Variants in PCSK5 observed in about 807,000 individuals in gnomAD.
PCSK5 encodes prohormone convertase 5.
Under a neutral mutation model 233.2 loss-of-function variants are expected in PCSK5, and 129 were observed. The ratio of observed to expected loss-of-function variants is 0.55; its 90% CI spans 0.48 to 0.64. The LOEUF (loss-of-function observed/expected upper bound fraction) is 0.64. Ranked by LOEUF, PCSK5 falls within the 30% of genes least tolerant of loss-of-function variation. The pLI is 0.00. For missense variants in PCSK5, 2,076 were observed against 2,430.1 expected, an observed-to-expected ratio of 0.85 and a Z score of 3.06; for synonymous variants, 825 against 879.2, an observed-to-expected ratio of 0.94 and a Z score of 1.09.
intron 24 of PCSK5, among the ~76,000 whole-genome samples, chr9:76,256,884 T>C (rs1827000640): frequency 6.6e-6 from 1 of 152,192 alleles, no homozygotes; most frequent in African/African-American, 2.4e-5. Context: ...CTTAATTCTA[T>C]CCTGTTTTAT....
intron 10 of PCSK5, among the ~76,000 whole-genome samples, chr9:76,146,122 A>G (rs182407746): frequency 1.5e-4 from 23 of 152,180 alleles, no homozygotes; most frequent in Admixed American, 1.4e-3. Flanking sequence ...TTAAACTTCT[A>G]TCACATGTCC....
chr9:76,320,254 G>C (rs1564177571), intron 30 of PCSK5, among the ~76,000 whole-genome samples: 1 of 151,570 alleles, frequency 6.6e-6, no homozygotes, highest in Non-Finnish European at 1.5e-5. Flanking sequence ...GTGAAACCCC[G>C]TATCTACTAA....
chr9:76,125,850 AATC>A (rs1240515368), intron 9 of PCSK5, among the ~76,000 whole-genome samples: 1 of 152,226 alleles, frequency 6.6e-6, no homozygotes, highest in African/African-American at 2.4e-5. Flanking sequence ...CTGCAGCTCC[AATC>A]ATCATATCCA....
At chr9:75,943,762 T>C (rs1355739774) in intron 2 of PCSK5, among the ~76,000 whole-genome samples, 1 of 152,182 alleles carries the variant, frequency 6.6e-6, no homozygotes, top group African/African-American at 2.4e-5. Flanking sequence ...GAACTGCGCA[T>C]GTAAGAAAAG....
intron 5 of PCSK5, among the ~76,000 whole-genome samples, chr9:76,046,182 T>G (rs1829379864): frequency 2.4e-5 from 3 of 122,500 alleles, no homozygotes; most frequent in South Asian, 2.9e-4. Context: ...TTTTTTTTTT[T>G]TTTTTTTTTT....
intron 24 of PCSK5, among the ~76,000 whole-genome samples, chr9:76,281,984 A>T (rs185750422): frequency 6.7e-4 from 102 of 151,854 alleles, no homozygotes; most frequent in Admixed American, 1.4e-3. Flanking sequence ...GTATGGCAAT[A>T]GCTGCCGTAG....
At position 75,890,943 on chromosome 9, in the gene PCSK5, A is replaced by G. The variant is rs1311042928; in HGVS notation, c.-239A>G. On this transcript the variant is annotated 5_prime_UTR_variant, in exon 1 of 38. Coordinates refer to ENST00000674117, the MANE Select transcript of PCSK5 (RefSeq NM_001372043.1). ...GCCGGGGAGCATCGCCGAGCGCCCC[A>G]CGGGCCGGAGAGCTGGGAGCACAGG... 1 of 383,908 alleles carries G rather than the reference A, an allele frequency of 2.6e-6. No homozygotes were observed. Among genetic ancestry groups the G allele is most frequent in the Non-Finnish European group, 4.6e-6 (1 of 217,108 alleles). 23.8% of individuals were successfully genotyped at this position (383,908 alleles called of 1,614,324 possible). A position where few individuals can be genotyped will look rare whatever the true frequency, so the allele number is the denominator to read the frequency against.
intron 30 of PCSK5, among the ~76,000 whole-genome samples, chr9:76,318,319 G>T (rs144780693): frequency 6.6e-6 from 1 of 152,084 alleles, no homozygotes; most frequent in African/African-American, 2.4e-5. Flanking sequence ...CCTGTCGGAG[G>T]GTAGGGGGCA....
At chr9:76,246,091 T>C (rs1277876821) in intron 24 of PCSK5, among the ~76,000 whole-genome samples, 1 of 151,934 alleles carries the variant, frequency 6.6e-6, no homozygotes, top group African/African-American at 2.4e-5. Context: ...CCCAGCACTT[T>C]GTACTTTGGG....
chr9:76,126,926 A>G (rs1285595267), intron 9 of PCSK5, among the ~76,000 whole-genome samples: 3 of 152,208 alleles, frequency 2.0e-5, no homozygotes, highest in African/African-American at 4.8e-5. Flanking sequence ...CTTGTACCCC[A>G]TAAGTTTATA....
At chr9:76,195,617 T>C (rs1824660058) in intron 20 of PCSK5, 1 of 152,166 alleles carries the variant, frequency 6.6e-6, no homozygotes, top group African/African-American at 2.4e-5. Context: ...TAATGAGATA[T>C]ATGTAATGGA....
intron 4 of PCSK5, among the ~76,000 whole-genome samples, chr9:76,025,956 A>G: frequency 6.6e-6 from 1 of 152,052 alleles, no homozygotes; most frequent in East Asian, 1.9e-4. Flanking sequence ...AAAAAAAAAT[A>G]ACTGGGTGTG....
intron 5 of PCSK5, among the ~76,000 whole-genome samples, chr9:76,046,761 C>A (rs542549417): frequency 6.7e-6 from 1 of 148,572 alleles, no homozygotes; most frequent in South Asian, 2.2e-4. Flanking sequence ...GGGGTGTCAA[C>A]GTGTTAGCCA....
At chr9:76,094,898 C>G (rs1383751043) in intron 7 of PCSK5, among the ~76,000 whole-genome samples, 2 of 152,330 alleles carry the variant, frequency 1.3e-5, no homozygotes, top group African/African-American at 4.8e-5. Flanking sequence ...GCATGAGCCA[C>G]TATGCCTAAC....
intron 24 of PCSK5, among the ~76,000 whole-genome samples, chr9:76,270,408 T>G (rs1827478018): frequency 6.6e-6 from 1 of 152,306 alleles, no homozygotes; most frequent in South Asian, 2.1e-4. Flanking sequence ...AAAAATATTA[T>G]TTTGGTGGGA....
chr9:76,311,068 T>C (rs1488116173), intron 30 of PCSK5, among the ~76,000 whole-genome samples: 2 of 152,208 alleles, frequency 1.3e-5, no homozygotes, highest in Non-Finnish European at 2.9e-5. Context: ...GTATATATTT[T>C]TACTTTTATG....
chr9:75,987,687 G>A lies in PCSK5; in HGVS notation c.411+1442G>A, dbSNP rs541153592. Among the ~76,000 whole-genome samples, 3 of 152,310 alleles carry A rather than the reference G, an allele frequency of 2.0e-5. No individual in the cohort carries two copies. In the South Asian group the frequency reaches 6.2e-4, roughly 32 times the overall value. ...AGGAATCATAAAGCTAAGTTCAAGG[G>A]AAGGCGGATCTAAGCATCCTTAGCC... On this transcript the variant is annotated intron_variant, in intron 3 of 37. Transcript: ENST00000674117.
rs929902669 is a variant in PCSK5 at position 76,027,051 on chromosome 9, G to A, written c.632+14G>A. The A allele has an allele frequency of 2.5e-5, 39 of 1,580,134 alleles. No homozygotes were observed. Among genetic ancestry groups the A allele is most frequent in the African/African-American group, 5.4e-5 (4 of 74,078 alleles). ...CAACGAGAACAAGTAAGGCCCAAGT[G>A]AGGGGTGGCTGGCATGTGGCTGGCA... On this transcript the variant is annotated intron_variant, in intron 5 of 37. Transcript: ENST00000674117.
intron 20 of PCSK5, among the ~76,000 whole-genome samples, chr9:76,220,857 G>A (rs189983603): frequency 6.6e-6 from 1 of 151,926 alleles, no homozygotes; most frequent in South Asian, 2.1e-4. Flanking sequence ...TAAATCTCTC[G>A]AACTTATCCC....
Sources: allele counts gnomAD v4.1 joint callset (sites outside exome capture counted in the v4.1 genomes callset), GRCh38; gene constraint gnomAD v4.1.1; transcripts MANE v1.5; gene names NCBI Gene and HGNC (gene_info 2026-07-23, HGNC 2026-07-21).